The following NEK11 variants were observed in gnomAD, a reference collection of about 807,000 sequenced individuals.
NEK11 encodes the protein serine/threonine-protein kinase Nek11.
NEK11 carries 72 observed loss-of-function variants against 80.7 expected under a neutral mutation model. That is an observed-to-expected ratio of 0.89 (90% CI 0.74 to 1.08). NEK11 has a LOEUF of 1.08. Ranked by LOEUF, NEK11 falls within the 50% of genes least tolerant of loss-of-function variation. The pLI is 0.00. For missense variants in NEK11, 764 were observed against 763.6 expected (o/e 1.00, Z -0.01); for synonymous variants, 251 against 260.7 (o/e 0.96, Z 0.36).
At chr3:131,346,268 A>G (rs191523385) in intron 17 of NEK11, among the ~76,000 whole-genome samples, 69 of 152,354 alleles carry the variant, frequency 4.5e-4, no homozygotes, top group Admixed American at 2.4e-3. Context: ...TTTATTATCT[A>G]TATGTATCCC....
At chr3:131,179,265 G>A (rs1370980224) in intron 14 of NEK11, among the ~76,000 whole-genome samples, 2 of 152,210 alleles carry the variant, frequency 1.3e-5, no homozygotes, top group Non-Finnish European at 2.9e-5. Flanking sequence ...CTCCAGGACT[G>A]TGAGAAATAA....
At chr3:131,057,405 T>C (rs1000160996) in intron 3 of NEK11, among the ~76,000 whole-genome samples, 8 of 152,082 alleles carry the variant, frequency 5.3e-5, no homozygotes, top group Non-Finnish European at 1.2e-4. Flanking sequence ...ATATACCCAG[T>C]AATGGGATGG....
chr3:131,069,168 C>T (rs1432626195), intron 3 of NEK11, among the ~76,000 whole-genome samples: 1 of 152,072 alleles, frequency 6.6e-6, no homozygotes, highest in African/African-American at 2.4e-5. Flanking sequence ...TTAGTTTAAA[C>T]AACTTCTTGC....
Position 131,133,964 on chromosome 3 carries a change from G to A in NEK11, c.647+8G>A, listed in dbSNP as rs2085040236. The A allele has an allele frequency of 6.2e-7, 1 of 1,603,596 alleles. No homozygotes were observed. Among genetic ancestry groups the A allele is most frequent in the South Asian group, 1.1e-5 (1 of 88,300 alleles). On this transcript the variant is annotated splice_region_variant and intron_variant, in intron 7 of 17. Transcript: ENST00000383366. ...CACAAAGTCGGACATCTGGTGAGTG[G>A]GCTAGTGGGCTAGACTCTTCATCTG...
chr3:131,324,871 A>C (rs116940934), intron 17 of NEK11, among the ~76,000 whole-genome samples: 1 of 152,260 alleles, frequency 6.6e-6, no homozygotes, highest in South Asian at 2.1e-4. Flanking sequence ...GCTCCTTGGT[A>C]CCTTACAGGG....
At chr3:131,120,378 G>T (rs1361155781) in intron 5 of NEK11, among the ~76,000 whole-genome samples, 1 of 152,148 alleles carries the variant, frequency 6.6e-6, no homozygotes, top group African/African-American at 2.4e-5. Context: ...CCCTTTGTGG[G>T]TAACCCGACC....
chr3:131,152,848 G>C (rs2149814316), intron 9 of NEK11, 139 bp downstream of exon 9: 102 of 612,422 alleles, frequency 1.7e-4, no homozygotes, highest in Non-Finnish European at 2.5e-4. Flanking sequence ...GAAGCTGAGA[G>C]GCCGAGGCGG....
At chr3:131,028,108 G>C (rs13071760) in intron 2 of NEK11, 106 bp downstream of exon 2, 27,420 of 152,214 alleles carry the variant, frequency 0.18, 2,616 homozygotes, top group South Asian at 0.22. Flanking sequence ...GGCCTGCTCT[G>C]TAGTTGTTTT....
chr3:131,264,118 T>C (rs544874591), intron 16 of NEK11, among the ~76,000 whole-genome samples: 17 of 152,364 alleles, frequency 1.1e-4, no homozygotes, highest in African/African-American at 3.1e-4. Context: ...TATTAGCCCT[T>C]TGTCAGATGA....
At chr3:131,224,473 C>T (rs111927679) in intron 14 of NEK11, among the ~76,000 whole-genome samples, 2,528 of 152,226 alleles carry the variant, frequency 0.017, 71 homozygotes, top group African/African-American at 0.058. Flanking sequence ...TGGTGATCTG[C>T]CTGCCTCGGC....
At chr3:131,333,073 T>C (rs981336381) in intron 17 of NEK11, among the ~76,000 whole-genome samples, 1 of 152,146 alleles carries the variant, frequency 6.6e-6, no homozygotes, top group African/African-American at 2.4e-5. Context: ...ACTTCCCCAA[T>C]CTAGCAAGGC....
intron 17 of NEK11, among the ~76,000 whole-genome samples, chr3:131,282,881 A>G (rs1282094247): frequency 1.3e-5 from 2 of 152,196 alleles, no homozygotes; most frequent in African/African-American, 4.8e-5. Context: ...GAAGTTTATA[A>G]TCGTACCAGC....
At position 131,080,111 on chromosome 3, in the gene NEK11, G is replaced by A. The variant is rs376656981; in HGVS notation, c.171-312G>A. ...GACAGACAGAAATAGATAACTATAAGAGAAACCAAGAGACACTGAAACATC... is the reference window on the plus strand; with the variant it reads ...GACAGACAGAAATAGATAACTATAAAAGAAACCAAGAGACACTGAAACATC... On this transcript the variant is annotated intron_variant, in intron 3 of 17. Coordinates refer to ENST00000383366, the MANE Select transcript of NEK11 (RefSeq NM_024800.5). Among the ~76,000 whole-genome samples, 76 of 151,928 alleles carry A rather than the reference G, an allele frequency of 5.0e-4. 1 individual carries two copies. The South Asian group carries it at 0.015, about 29-fold the overall frequency.
chr3:131,340,450 A>C (rs1256156538), intron 17 of NEK11, among the ~76,000 whole-genome samples: 3 of 152,230 alleles, frequency 2.0e-5, no homozygotes, highest in Admixed American at 1.3e-4. Context: ...ATAGTCTATA[A>C]TTGATGGGCA....
At chr3:131,041,520 GTA>G (rs1207445835) in intron 3 of NEK11, among the ~76,000 whole-genome samples, 1 of 152,184 alleles carries the variant, frequency 6.6e-6, no homozygotes, top group African/African-American at 2.4e-5. Flanking sequence ...GTGTGTGTGT[GTA>G]TGTGTATACA....
intron 3 of NEK11, among the ~76,000 whole-genome samples, chr3:131,035,820 G>T (rs1368383275): frequency 2.6e-5 from 4 of 152,144 alleles, no homozygotes; most frequent in East Asian, 1.9e-4. Context: ...CAGGTAAAAG[G>T]TCTCTTCTAA....
At chr3:131,191,732 A>C (rs2093804919) in intron 14 of NEK11, among the ~76,000 whole-genome samples, 1 of 152,194 alleles carries the variant, frequency 6.6e-6, no homozygotes, top group Admixed American at 6.6e-5. Context: ...AGTTAAGGAC[A>C]GTCTTTTCAA....
At chr3:131,093,242 A>C (rs1287335160) in intron 4 of NEK11, among the ~76,000 whole-genome samples, 1 of 152,202 alleles carries the variant, frequency 6.6e-6, no homozygotes, top group Non-Finnish European at 1.5e-5. Context: ...ACTTCTTACC[A>C]ATAAGAAGGG....
At chr3:131,051,983 A>G (rs1044283250) in intron 3 of NEK11, among the ~76,000 whole-genome samples, 1 of 152,162 alleles carries the variant, frequency 6.6e-6, no homozygotes, top group Non-Finnish European at 1.5e-5. Flanking sequence ...TTGAGTTCTC[A>G]TCCTCTTCCC....
Sources: gnomAD v4.1 joint callset for allele counts (sites outside exome capture counted in the v4.1 genomes callset) on GRCh38, gnomAD v4.1.1 for gene constraint, MANE v1.5 for transcripts, NCBI Gene and HGNC (gene_info 2026-07-23, HGNC 2026-07-21) for gene names.